The following PLEKHG5 variants were observed in gnomAD, a reference collection of about 807,000 sequenced individuals.
The protein encoded by PLEKHG5 is pleckstrin homology and RhoGEF domain containing G5, also known as pleckstrin homology domain-containing family G member 5.
In PLEKHG5, 52 loss-of-function variants were observed where a neutral mutation model predicts 103.8. That is an observed-to-expected ratio of 0.50 (90% CI 0.40 to 0.63). The LOEUF is 0.63. PLEKHG5 is among the 30% of genes least tolerant of loss of function. The pLI is 0.00. For missense variants in PLEKHG5, 1,205 were observed against 1,347.6 expected (o/e 0.89, Z 1.66); for synonymous variants, 592 against 575.5 (o/e 1.03, Z -0.41).
chr1:6,518,423 G>A (rs1019691426), intron 1 of PLEKHG5, among the ~76,000 whole-genome samples: 1 of 151,594 alleles, frequency 6.6e-6, no homozygotes, highest in African/African-American at 2.4e-5. Context: ...AGCCGGGCTT[G>A]ATGGCGCATG....
chr1:6,494,809 C>T (rs1645199292), upstream of PLEKHG5, among the ~76,000 whole-genome samples: 1 of 152,184 alleles, frequency 6.6e-6, no homozygotes, highest in South Asian at 2.1e-4. Flanking sequence ...GCCATTTGTC[C>T]CAAAGGGCGT....
At chr1:6,503,073 G>A (rs1645314048) in intron 1 of PLEKHG5, among the ~76,000 whole-genome samples, 1 of 152,192 alleles carries the variant, frequency 6.6e-6, no homozygotes, top group African/African-American at 2.4e-5. Context: ...TCCAAGAATG[G>A]CCTTGACTCA....
At chr1:6,485,708 G>A in intron 1 of PLEKHG5, 1 of 152,916 alleles carries the variant, frequency 6.5e-6, no homozygotes, top group Non-Finnish European at 1.0e-5. Context: ...CCGCCTCCCC[G>A]CCTCTGCCCA....
In PLEKHG5 at chr1:6,509,227, A is replaced by G. The variant is rs184769191; in HGVS notation, c.-165+10218T>C. Among the ~76,000 whole-genome samples, 14 of 152,284 alleles carry G rather than the reference A, an allele frequency of 9.2e-5. No homozygotes were observed. The East Asian group carries it at 2.7e-3, about 29-fold the overall frequency. The stretch of plus-strand genomic sequence containing the variant: ...CTGTGGCCCTGGGCCCGGAGACCCT[A>G]AGATTTGCCTCTCGTCCCACCTCTG... On this transcript the variant is annotated intron_variant, in intron 1 of 21. Transcript: ENST00000377740.
intron 1 of PLEKHG5, among the ~76,000 whole-genome samples, chr1:6,503,957 G>C (rs1048236352): frequency 9.2e-5 from 14 of 152,208 alleles, no homozygotes; most frequent in African/African-American, 3.1e-4. Flanking sequence ...AGAGAGCCCA[G>C]GGAGGGCCTG....
In PLEKHG5 at chr1:6,490,367, G is replaced by T; in HGVS notation, c.-88+1270C>A. On this transcript the variant is annotated intron_variant, in intron 1 of 20. Coordinates refer to ENST00000377728, the MANE Select transcript of PLEKHG5 (RefSeq NM_020631.6). This position sits in a 1 kb window ranked among gnomAD's most constrained non-coding sequence, Gnocchi z 8.0. ...CGTGGGAATCTCGAATCCGGGTTCTGTCCATCGGTTTAGGGGGGTCCTGGC... is the reference window on the plus strand; with the variant it reads ...CGTGGGAATCTCGAATCCGGGTTCTTTCCATCGGTTTAGGGGGGTCCTGGC... The T allele has an allele frequency of 2.5e-6, 2 of 810,864 alleles. No individual in the cohort carries two copies. The highest frequency in any genetic ancestry group is 3.0e-6 in the Non-Finnish European group (2 of 671,622). 50.2% of individuals were successfully genotyped at this position (810,864 alleles called of 1,614,324 possible). A position where few individuals can be genotyped will look rare whatever the true frequency, so the allele number is the denominator to read the frequency against.
chr1:6,495,386 G>A (rs1336180630), upstream of PLEKHG5, among the ~76,000 whole-genome samples: 2 of 152,154 alleles, frequency 1.3e-5, no homozygotes, highest in Non-Finnish European at 2.9e-5. Context: ...TGTGCAGAAC[G>A]AGTGTGTGTG....
At position 6,467,874 on chromosome 1, in the gene PLEKHG5, G is replaced by T; in HGVS notation, c.2962C>A (p.Leu988Ile). The change falls in exon 20 of 21, where the codon CTC becomes ATC. Residue 988 changes from leucine to isoleucine, a missense_variant. Physicochemically the swap from Leu to Ile is conservative, Grantham distance 5 (BLOSUM62 2). Coordinates refer to ENST00000377728, the MANE Select transcript of PLEKHG5 (RefSeq NM_020631.6). ...AQHRKLTLAQ[L>I]YRIRTTLLLN... The stretch of plus-strand genomic sequence containing the variant: ...AGCAGGGTGGTCCTGATTCGGTAGA[G>T]CTGGGCCAGGGTCAGCTTCCTGTGC... 6.2e-7 allele frequency: 1 copy of T among 1,612,460 alleles called. No homozygotes were observed. Among genetic ancestry groups the T allele is most frequent in the South Asian group, 1.1e-5 (1 of 90,862 alleles).
intron 6 of PLEKHG5, 33 bp downstream of exon 6, chr1:6,474,418 C>T (rs1382990363): frequency 1.9e-6 from 3 of 1,612,662 alleles, no homozygotes; most frequent in Admixed American, 3.3e-5. Flanking sequence ...CCGCCAGTCC[C>T]AGCGGCCCCA....
chr1:6,503,515 C>T (rs1033798933), intron 1 of PLEKHG5, among the ~76,000 whole-genome samples: 1 of 149,528 alleles, frequency 6.7e-6, no homozygotes, highest in African/African-American at 2.5e-5. Context: ...TCAAGTGATT[C>T]TCCTGCCTCA....
chr1:6,497,413 G>A, upstream of PLEKHG5: 2 of 980,106 alleles, frequency 2.0e-6, no homozygotes, highest in South Asian at 4.8e-5. The surrounding 1 kb of genome is among the most constrained non-coding windows in gnomAD (Gnocchi z 6.1). Flanking sequence ...CGCCGCCGCC[G>A]GACCCTCGCA....
At chr1:6,509,430 G>A (rs1402839467) in intron 1 of PLEKHG5, among the ~76,000 whole-genome samples, 1 of 152,222 alleles carries the variant, frequency 6.6e-6, no homozygotes, top group Admixed American at 6.5e-5. Flanking sequence ...GAAGTGCCAA[G>A]TGAGGGAGGA....
Position 6,469,530 on chromosome 1 carries a change from C to A in PLEKHG5, c.1933+14G>T, listed in dbSNP as rs1399141854. On this transcript the variant is annotated intron_variant, in intron 17 of 20. Coordinates refer to ENST00000377728, the MANE Select transcript of PLEKHG5 (RefSeq NM_020631.6). Reference sequence around the variant, plus strand: ...ACAGCCCCTGACCAGGAACAGGGGACCAGGGCTCCTTACCAGGGTCCCGTA... The same window carrying A: ...ACAGCCCCTGACCAGGAACAGGGGAACAGGGCTCCTTACCAGGGTCCCGTA... 6.2e-7 allele frequency: 1 copy of A among 1,613,862 alleles called. No individual in the cohort carries two copies. Among genetic ancestry groups the A allele is most frequent in the Admixed American group, 1.7e-5 (1 of 60,022 alleles).
upstream of PLEKHG5, among the ~76,000 whole-genome samples, chr1:6,500,492 G>A (rs953867368): frequency 2.6e-5 from 4 of 151,768 alleles, no homozygotes; most frequent in Admixed American, 6.6e-5. Context: ...ACCTCAGCCC[G>A]ACCCTAAGCA....
chr1:6,513,195 A>G (rs1322129396), intron 1 of PLEKHG5, among the ~76,000 whole-genome samples: 1 of 152,236 alleles, frequency 6.6e-6, no homozygotes, highest in Admixed American at 6.5e-5. Context: ...AGCCTGGCCC[A>G]GGGCAGGTGC....
rs1349733129 is a variant in PLEKHG5 at position 6,505,366 on chromosome 1, G to A, written c.-164-8797C>T. Among the ~76,000 whole-genome samples, 2 of 151,756 alleles carry A rather than the reference G, an allele frequency of 1.3e-5. No homozygotes were observed. Among genetic ancestry groups the A allele is most frequent in the South Asian group, 2.1e-4 (1 of 4,790 alleles). ...GGCATCCGACAGCCAGCACAGGTGC[G>A]CCCTGCCTCTGCCACCGCTGTTTGA... On this transcript the variant is annotated intron_variant, in intron 1 of 21. Transcript: ENST00000377740. This position sits in a 1 kb window ranked among gnomAD's most constrained non-coding sequence, Gnocchi z 4.2.
chr1:6,469,228 T>C lies in PLEKHG5; in HGVS notation c.2063A>G (p.Gln688Arg). 1 of 1,613,666 alleles carries C rather than the reference T, an allele frequency of 6.2e-7. No individual in the cohort carries two copies. Among genetic ancestry groups the C allele is most frequent in the Non-Finnish European group, 8.5e-7 (1 of 1,180,006 alleles). The change falls in exon 19 of 21, where the codon CAG (glutamine) becomes CGG (arginine). Residue 688 changes from glutamine (Q) to arginine (R), a missense_variant. Coordinates refer to ENST00000377728, the MANE Select transcript of PLEKHG5 (RefSeq NM_020631.6). Reference sequence around the variant, plus strand: ...GCCTGGGGGCTCCTGTGCACGCAGCTGTTGCAGCTGGTTCTGCAGGCAAGG... The same window carrying C: ...GCCTGGGGGCTCCTGTGCACGCAGCCGTTGCAGCTGGTTCTGCAGGCAAGG... The part of the protein sequence containing the change: ...TIYNAQNQLQ[Q>R]LRAQEPPGSQ...
chr1:6,519,859 C>A, exon 1 of PLEKHG5: 1 of 395,276 alleles, frequency 2.5e-6, no homozygotes. Context: ...CATTTGCGCC[C>A]TGGAATGGGC....
At chr1:6,502,647 G>A (rs1645308225) in intron 1 of PLEKHG5, among the ~76,000 whole-genome samples, 1 of 152,222 alleles carries the variant, frequency 6.6e-6, no homozygotes, top group Admixed American at 6.5e-5. Context: ...GAGTGACCAA[G>A]GGCGGAACAG....
Sources: allele counts gnomAD v4.1 joint callset (sites outside exome capture counted in the v4.1 genomes callset), GRCh38; gene constraint gnomAD v4.1.1; non-coding constraint Gnocchi (gnomAD v3.1); transcripts MANE v1.5; gene names NCBI Gene and HGNC (gene_info 2026-07-23, HGNC 2026-07-21).